Variants in SDK2 observed in about 807,000 individuals in gnomAD.
SDK2 encodes the protein sidekick cell adhesion molecule 2.
SDK2 carries 105 observed loss-of-function variants against 253.9 expected under a neutral mutation model. The observed-to-expected ratio is 0.41, with a 90% CI of 0.35 to 0.49. The LOEUF is 0.49. Ranked by LOEUF, SDK2 falls within the 20% of genes least tolerant of loss-of-function variation. The pLI is 0.06. For synonymous variants in SDK2, 1,249 were observed against 1,234.9 expected, an observed-to-expected ratio of 1.01 and a Z score of -0.24; for missense variants, 2,608 against 3,003.0, an observed-to-expected ratio of 0.87 and a Z score of 3.07.
chr17:73,418,297 C>A (rs115180853), intron 16 of SDK2, among the ~76,000 whole-genome samples: 3 of 152,316 alleles, frequency 2.0e-5, no homozygotes, highest in Middle Eastern at 6.8e-3. Flanking sequence ...TGAAACACCA[C>A]GCCCGGCCTG....
intron 37 of SDK2, among the ~76,000 whole-genome samples, chr17:73,365,721 G>A (rs2062679085): frequency 6.6e-6 from 1 of 152,186 alleles, no homozygotes; most frequent in Admixed American, 6.5e-5. Flanking sequence ...ACACCCCCGG[G>A]GTCATCGTGG....
chr17:73,536,009 A>G (rs1316838424), intron 1 of SDK2, among the ~76,000 whole-genome samples: 2 of 152,096 alleles, frequency 1.3e-5, no homozygotes, highest in East Asian at 1.9e-4. Context: ...GATTTCACAC[A>G]TCTTAGAAAC....
At chr17:73,505,750 AATAGCTGGACCTCATCATCG>A (rs2063930453) in intron 2 of SDK2, among the ~76,000 whole-genome samples, 2 of 150,982 alleles carry the variant, frequency 1.3e-5, no homozygotes, top group African/African-American at 4.9e-5. Flanking sequence ...CATCAGCATC[AATAGCTGGACCTCATCATCG>A]TCAATAGCTG....
rs773419489 is a variant in SDK2, at chr17:73,342,722, AGG to A, written c.6166-3784_6166-3783del. On this transcript the variant is annotated intron_variant, in intron 44 of 44. Coordinates refer to ENST00000392650, the MANE Select transcript of SDK2 (RefSeq NM_001144952.2). Reference sequence around the variant, plus strand: ...CACAGTGAAACGAGTCTCTGGGGGGAGGAGCTTGTGGCACGGGGAAGTTCTGG... The same window carrying A: ...CACAGTGAAACGAGTCTCTGGGGGGAAGCTTGTGGCACGGGGAAGTTCTGG... Among the ~76,000 whole-genome samples, 391 of 152,136 alleles carry A rather than the reference AGG, an allele frequency of 2.6e-3. 1 individual carries two copies. The highest frequency in any genetic ancestry group is 4.1e-3 in the Non-Finnish European group (281 of 67,974).
At chr17:73,501,120 C>A (rs2063887656) in intron 2 of SDK2, among the ~76,000 whole-genome samples, 1 of 151,458 alleles carries the variant, frequency 6.6e-6, no homozygotes, top group Non-Finnish European at 1.5e-5. Context: ...ACCTCTAGGG[C>A]TTTTATGTGA....
At chr17:73,539,516 G>A (rs1170807820) in intron 1 of SDK2, among the ~76,000 whole-genome samples, 1 of 151,332 alleles carries the variant, frequency 6.6e-6, no homozygotes, top group East Asian at 2.0e-4. Flanking sequence ...GGGGGGTGGT[G>A]GGGGGCAAAA....
intron 29 of SDK2, among the ~76,000 whole-genome samples, chr17:73,388,355 C>T (rs12942539): frequency 0.27 from 40,386 of 152,056 alleles, 5,631 homozygotes; most frequent in East Asian, 0.44. Flanking sequence ...CTGCCTGAAA[C>T]GAGGCTGAGC....
rs1458571610 is a variant in SDK2, at chr17:73,377,562, G to A, written c.4980+1615C>T. ...TACTTCCCCTAGTGCTCATGTGGTT[G>A]GTTAGTGCTTACTTTTCACCCCTCG... On this transcript the variant is annotated intron_variant, in intron 36 of 44. Transcript: ENST00000392650. Among the ~76,000 whole-genome samples, 3 of 150,936 alleles carry A rather than the reference G, an allele frequency of 2.0e-5. No individual in the cohort carries two copies. The East Asian group carries it at 5.9e-4, about 30-fold the overall frequency.
At chr17:73,448,374 C>CT (rs11377499) in intron 4 of SDK2, among the ~76,000 whole-genome samples, 3,161 of 148,728 alleles carry the variant, frequency 0.021, 87 homozygotes, top group African/African-American at 0.066. Context: ...GTTTCTACCT[C>CT]TTTTTTTTTT....
rs1599520804 is a variant in SDK2, at chr17:73,395,175, A to C, written c.3572T>G (p.Val1191Gly). Residue 1191 changes from valine (V) to glycine (G), a missense_variant, in exon 25 of 45, where the codon GTG becomes GGG. Physicochemically the swap from Val to Gly is moderately radical, Grantham distance 109 (BLOSUM62 -3). This residue lies in a region of SDK2 where 1,505 missense variants were observed against 1,859.1 expected (regional missense o/e 0.81). Transcript: ENST00000392650. The surrounding 1 kb of genome is among the most constrained non-coding windows in gnomAD (Gnocchi z 4.3). ...GGTACCTGACTCCCGGGTCCTGCCCACCACCGTCTGGCTCCAGGGCCCGCT... is the reference window on the plus strand; with the variant it reads ...GGTACCTGACTCCCGGGTCCTGCCCCCCACCGTCTGGCTCCAGGGCCCGCT... ...IGSGPWSQTV[V>G]GRTRESVPSS... 1 of 1,601,296 alleles carries C rather than the reference A, an allele frequency of 6.2e-7. No homozygotes were observed. Among genetic ancestry groups the C allele is most frequent in the Non-Finnish European group, 8.5e-7 (1 of 1,175,012 alleles).
At chr17:73,539,100 C>T (rs2044824907) in intron 1 of SDK2, among the ~76,000 whole-genome samples, 2 of 152,168 alleles carry the variant, frequency 1.3e-5, no homozygotes, top group Non-Finnish European at 1.5e-5. Context: ...TATCATGCTG[C>T]CCTGCCTCAG....
Position 73,578,457 on chromosome 17 carries a change from C to T in SDK2, c.64+65568G>A, listed in dbSNP as rs185474282. ...AAATTTGTATTGTTTTGAGCCACCA[C>T]ATTTGGGGTCATTTTGTTACAGCAT... On this transcript the variant is annotated intron_variant, in intron 1 of 44. Transcript: ENST00000392650. Among the ~76,000 whole-genome samples the T allele has an allele frequency of 2.4e-4, 36 of 152,328 alleles. No individual in the cohort carries two copies. The South Asian group carries it at 6.0e-3, about 25-fold the overall frequency.
chr17:73,640,212 G>A (rs1406452957), intron 1 of SDK2, among the ~76,000 whole-genome samples: 3 of 148,778 alleles, frequency 2.0e-5, no homozygotes, highest in Non-Finnish European at 4.5e-5. Context: ...CGAGGAAGAG[G>A]CAGTCGATAA....
intron 2 of SDK2, among the ~76,000 whole-genome samples, chr17:73,494,853 C>T (rs966537189): frequency 8.5e-5 from 13 of 152,380 alleles, no homozygotes; most frequent in African/African-American, 1.7e-4. Flanking sequence ...GCACGGGCTG[C>T]GTGCAGGACC....
chr17:73,384,434 C>T (rs962529584), intron 32 of SDK2, among the ~76,000 whole-genome samples: 1 of 152,196 alleles, frequency 6.6e-6, no homozygotes, highest in East Asian at 1.9e-4. Context: ...ATCTGGATAA[C>T]ACTTCCTGGT....
chr17:73,472,001 A>C lies in SDK2; in HGVS notation c.331+111T>G, dbSNP rs546745981. ...GCTGGAAGGGGCACCATGGGCACTC[A>C]GTGGGTGTTGATGGCCATGACGGGA... On this transcript the variant is annotated intron_variant, in intron 3 of 44. Coordinates refer to ENST00000392650, the MANE Select transcript of SDK2 (RefSeq NM_001144952.2). The C allele has an allele frequency of 3.1e-5, 24 of 764,722 alleles. No homozygotes were observed. In the East Asian group the frequency reaches 6.5e-4, roughly 21 times the overall value. The allele number at this position is 764,722 out of a possible 1,614,324, so 47.4% of individuals were successfully genotyped here.
At position 73,467,721 on chromosome 17, in the gene SDK2, G is replaced by T. The variant is rs900422125; in HGVS notation, c.331+4391C>A. On this transcript the variant is annotated intron_variant, in intron 3 of 44. Coordinates refer to ENST00000392650, the MANE Select transcript of SDK2 (RefSeq NM_001144952.2). The surrounding 1 kb of genome is among the most constrained non-coding windows in gnomAD (Gnocchi z 4.1). The stretch of plus-strand genomic sequence containing the variant: ...GTCAGGAACTGCGTTCTTCTCAAGG[G>T]TCGGAAGGACTTCCTAGGGCTTTTC... Among the ~76,000 whole-genome samples the T allele has an allele frequency of 2.0e-5, 3 of 152,320 alleles. No homozygotes were observed. Among genetic ancestry groups the T allele is most frequent in the South Asian group, 2.1e-4 (1 of 4,832 alleles).
intron 6 of SDK2, among the ~76,000 whole-genome samples, chr17:73,439,623 G>C (rs1202077486): frequency 6.6e-6 from 1 of 152,146 alleles, no homozygotes; most frequent in African/African-American, 2.4e-5. Context: ...GGACCTCAGG[G>C]GGATCATCAG....
rs1292134720 is a variant in SDK2, at chr17:73,642,518, G to A, written c.64+1507C>T. Among the ~76,000 whole-genome samples the A allele has an allele frequency of 2.0e-5, 3 of 152,102 alleles. No homozygotes were observed. The highest frequency in any genetic ancestry group is 4.1e-4 in the South Asian group (2 of 4,834). Reference sequence around the variant, plus strand: ...CCTCCTGGGACCCCTCAGAGAGGGGGCCCAGACCAAGGAGACCCCATGCAG... The same window carrying A: ...CCTCCTGGGACCCCTCAGAGAGGGGACCCAGACCAAGGAGACCCCATGCAG... On this transcript the variant is annotated intron_variant, in intron 1 of 44. Transcript: ENST00000392650. This position sits in a 1 kb window ranked among gnomAD's most constrained non-coding sequence, Gnocchi z 4.7.
Sources: allele counts gnomAD v4.1 joint callset (sites outside exome capture counted in the v4.1 genomes callset), GRCh38; gene constraint gnomAD v4.1.1; regional missense constraint gnomAD v4.1.1; non-coding constraint Gnocchi (gnomAD v3.1); transcripts MANE v1.5; gene names NCBI Gene and HGNC (gene_info 2026-07-23, HGNC 2026-07-21).